BNC2: variants seen among roughly 807,000 people sequenced by gnomAD.
The protein encoded by BNC2 is zinc finger protein basonuclin-2.
Under a neutral mutation model 76.3 loss-of-function variants are expected in BNC2, and 20 were observed. The observed-to-expected ratio is 0.26, with a 90% CI of 0.18 to 0.38. The LOEUF is 0.38. Among genes scored for constraint, BNC2 ranks in the 10% least tolerant of loss-of-function variants. The pLI is 1.00. For synonymous variants in BNC2, 582 were observed against 514.8 expected (o/e 1.13, Z -1.77); for missense variants, 1,382 against 1,399.8 (o/e 0.99, Z 0.20).
chr9:16,836,517 GAAA>G (rs34325739), intron 1 of BNC2, among the ~76,000 whole-genome samples: 2 of 123,038 alleles, frequency 1.6e-5, no homozygotes, highest in African/African-American at 3.0e-5. Context: ...CCTTTCAGGA[GAAA>G]AAAAAAAAAA....
At chr9:16,728,133 T>G in intron 2 of BNC2, 136 bp from the exon 3 acceptor site, 1 of 775,996 alleles carries the variant, frequency 1.3e-6, no homozygotes. Context: ...CAGAGCTTCT[T>G]TCGCACCTTC....
chr9:16,624,737 T>C (rs1405031091), intron 3 of BNC2, among the ~76,000 whole-genome samples: 1 of 152,198 alleles, frequency 6.6e-6, no homozygotes, highest in East Asian at 1.9e-4. Flanking sequence ...GGAAGTCATG[T>C]TTTTAAAAAA....
chr9:16,566,933 T>C (rs1819187235), intron 4 of BNC2, among the ~76,000 whole-genome samples: 1 of 152,170 alleles, frequency 6.6e-6, no homozygotes, highest in African/African-American at 2.4e-5. Flanking sequence ...AAGATAAAGA[T>C]ATTAGAAAAA....
chr9:16,835,719 C>T (rs192549382), intron 1 of BNC2, among the ~76,000 whole-genome samples: 9 of 152,146 alleles, frequency 5.9e-5, no homozygotes, highest in East Asian at 1.9e-4. Context: ...AATAAAAAAT[C>T]GTGTACTTAA....
chr9:16,659,329 G>C (rs755078173), intron 3 of BNC2, among the ~76,000 whole-genome samples: 13 of 152,132 alleles, frequency 8.5e-5, no homozygotes, highest in Non-Finnish European at 1.5e-4. Context: ...TCCCAAGCTT[G>C]CGGCGGGCAC....
At chr9:16,602,629 A>G (rs2133319863) in intron 3 of BNC2, among the ~76,000 whole-genome samples, 1 of 152,284 alleles carries the variant, frequency 6.6e-6, no homozygotes, top group Non-Finnish European at 1.5e-5. Context: ...GAGCAATGCC[A>G]ATTAGTGTCA....
intron 3 of BNC2, among the ~76,000 whole-genome samples, chr9:16,631,606 G>A (rs1341947813): frequency 6.6e-6 from 1 of 152,176 alleles, no homozygotes; most frequent in Admixed American, 6.5e-5. Flanking sequence ...GCAACTGAGA[G>A]GGCTGGTATG....
intron 3 of BNC2, among the ~76,000 whole-genome samples, chr9:16,646,667 TTAATA>T (rs1444598472): frequency 6.6e-6 from 1 of 152,082 alleles, no homozygotes; most frequent in African/African-American, 2.4e-5. Context: ...GGGCGATAGT[TTAATA>T]TGAGTATACA....
At chr9:16,456,538 A>T (rs984881143) in intron 5 of BNC2, among the ~76,000 whole-genome samples, 1 of 151,844 alleles carries the variant, frequency 6.6e-6, no homozygotes, top group African/African-American at 2.4e-5. Flanking sequence ...CTCAAAAAAA[A>T]AAAAAAAAAA....
At chr9:16,865,484 T>G (rs1819522359) in intron 1 of BNC2, among the ~76,000 whole-genome samples, 1 of 152,220 alleles carries the variant, frequency 6.6e-6, no homozygotes, top group African/African-American at 2.4e-5. Context: ...GCAAACTTTT[T>G]GTAATTGTAA....
At chr9:16,440,943 T>A (rs1821115116) in intron 5 of BNC2, among the ~76,000 whole-genome samples, 2 of 152,206 alleles carry the variant, frequency 1.3e-5, no homozygotes, top group African/African-American at 2.4e-5. Context: ...AAAGCATATT[T>A]GCAAACAAAT....
intron 5 of BNC2, among the ~76,000 whole-genome samples, chr9:16,545,758 A>G (rs1474238920): frequency 1.3e-5 from 2 of 152,260 alleles, no homozygotes; most frequent in African/African-American, 4.8e-5. Context: ...TAAGCACCCT[A>G]CTACACTTCT....
At chr9:16,734,689 G>C (rs1587363369) in intron 2 of BNC2, among the ~76,000 whole-genome samples, 1 of 152,174 alleles carries the variant, frequency 6.6e-6, no homozygotes, top group African/African-American at 2.4e-5. Context: ...ATATGGTCCA[G>C]TGTTTACACA....
chr9:16,801,122 A>C (rs10962609), intron 1 of BNC2, among the ~76,000 whole-genome samples: 13,718 of 152,250 alleles, frequency 0.09, 1,219 homozygotes, highest in East Asian at 0.34. Flanking sequence ...TATCCCCTAC[A>C]CAATTCTCCG....
At chr9:16,600,934 C>T (rs1318399235) in intron 3 of BNC2, among the ~76,000 whole-genome samples, 1 of 152,074 alleles carries the variant, frequency 6.6e-6, no homozygotes, top group Non-Finnish European at 1.5e-5. Context: ...GCTAATAACG[C>T]CTTCAATGTG....
intron 3 of BNC2, among the ~76,000 whole-genome samples, chr9:16,679,380 C>T (rs1045925427): frequency 6.6e-6 from 1 of 152,220 alleles, no homozygotes; most frequent in Non-Finnish European, 1.5e-5. Flanking sequence ...GATGTCATCG[C>T]TATACAGCAA....
chr9:16,851,172 T>C (rs1012407491), intron 1 of BNC2, among the ~76,000 whole-genome samples: 4 of 152,238 alleles, frequency 2.6e-5, no homozygotes, highest in Non-Finnish European at 5.9e-5. Context: ...TTTTAAGTTC[T>C]TCAAATGTTA....
At chr9:16,437,674 A>G in intron 5 of BNC2, 150 bp from the exon 6 acceptor site, 3 of 935,714 alleles carry the variant, frequency 3.2e-6, no homozygotes, top group Middle Eastern at 2.4e-4. Context: ...ATAAAAGTCA[A>G]CCCACAAAGC....
intron 1 of BNC2, among the ~76,000 whole-genome samples, chr9:16,845,877 C>T (rs559215785): frequency 1.3e-5 from 2 of 152,030 alleles, no homozygotes; most frequent in African/African-American, 2.4e-5. Context: ...GGCCCGGGCG[C>T]GGTGGCTCAC....
Sources: allele counts gnomAD v4.1 joint callset (sites outside exome capture counted in the v4.1 genomes callset), GRCh38; gene constraint gnomAD v4.1.1; transcripts MANE v1.5; gene names NCBI Gene and HGNC (gene_info 2026-07-23, HGNC 2026-07-21).